The following CNTNAP2 variants were observed in gnomAD, a reference collection of about 807,000 sequenced individuals.
CNTNAP2 encodes the protein contactin-associated protein-like 2.
CNTNAP2 carries 98 observed loss-of-function variants against 155.2 expected under a neutral mutation model. That is an observed-to-expected ratio of 0.63 (90% CI 0.54 to 0.75). The LOEUF is 0.75. Among genes scored for constraint, CNTNAP2 ranks in the 30% least tolerant of loss-of-function variants. The pLI is 0.00. For missense variants in CNTNAP2, 1,727 were observed against 1,688.1 expected (o/e 1.02, Z -0.40); for synonymous variants, 651 against 631.2 (o/e 1.03, Z -0.47).
At chr7:147,601,085 G>C (rs1484873419) in intron 12 of CNTNAP2, among the ~76,000 whole-genome samples, 1 of 152,110 alleles carries the variant, frequency 6.6e-6, no homozygotes, top group Non-Finnish European at 1.5e-5. Context: ...AAAGTCCTGT[G>C]TCCCCGTTAC....
chr7:147,401,989 C>T (rs953752213), intron 10 of CNTNAP2, among the ~76,000 whole-genome samples: 3 of 152,274 alleles, frequency 2.0e-5, no homozygotes, highest in South Asian at 2.1e-4. Flanking sequence ...TTAAATTTTG[C>T]GTTCATAACT....
chr7:146,456,466 T>C (rs1796556697), intron 1 of CNTNAP2, among the ~76,000 whole-genome samples: 2 of 152,162 alleles, frequency 1.3e-5, no homozygotes, highest in South Asian at 2.1e-4. Flanking sequence ...AGTTTAGATA[T>C]GGAAAACTTC....
intron 15 of CNTNAP2, among the ~76,000 whole-genome samples, chr7:148,095,697 A>T (rs181585239): frequency 6.6e-6 from 1 of 152,362 alleles, no homozygotes. Context: ...GCTGAAACAC[A>T]CAAAAAGAGC....
chr7:148,044,245 C>T (rs557983391), intron 15 of CNTNAP2, among the ~76,000 whole-genome samples: 3 of 148,430 alleles, frequency 2.0e-5, no homozygotes, highest in Admixed American at 1.3e-4. Flanking sequence ...TCGGGGTCTC[C>T]GTGTTCTAGC....
At position 148,409,475 on chromosome 7, in the gene CNTNAP2, G is replaced by C. The variant is rs886043777; in HGVS notation, c.3796+4G>C. On this transcript the variant is annotated splice_donor_region_variant and intron_variant, in intron 23 of 23. Coordinates refer to ENST00000361727, the MANE Select transcript of CNTNAP2 (RefSeq NM_014141.6). The stretch of plus-strand genomic sequence containing the variant: ...AGAAACTCGGCTATCATTGGAGGTA[G>C]GTGATGTCTAGAGGAGGCTTATATG... 6.2e-7 allele frequency: 1 copy of C among 1,613,146 alleles called. No homozygotes were observed. The highest frequency in any genetic ancestry group is 8.5e-7 in the Non-Finnish European group (1 of 1,179,278).
At chr7:148,149,616 C>G (rs941697268) in intron 17 of CNTNAP2, among the ~76,000 whole-genome samples, 3 of 151,998 alleles carry the variant, frequency 2.0e-5, no homozygotes, top group Non-Finnish European at 4.4e-5. Flanking sequence ...GTGTTCTCAA[C>G]TCACGACTCA....
At chr7:147,170,907 C>A (rs1802213817) in intron 8 of CNTNAP2, among the ~76,000 whole-genome samples, 1 of 152,174 alleles carries the variant, frequency 6.6e-6, no homozygotes, top group Non-Finnish European at 1.5e-5. Flanking sequence ...GCTCGCCCTG[C>A]TTTCTCCCAG....
intron 3 of CNTNAP2, among the ~76,000 whole-genome samples, chr7:146,858,780 A>G (rs2129204703): frequency 6.6e-6 from 1 of 152,348 alleles, no homozygotes; most frequent in South Asian, 2.1e-4. Flanking sequence ...TTTATAAATC[A>G]CATTTCATTT....
intron 3 of CNTNAP2, among the ~76,000 whole-genome samples, chr7:146,850,070 T>C (rs909163070): frequency 1.2e-4 from 18 of 152,134 alleles, no homozygotes; most frequent in Non-Finnish European, 1.3e-4. Flanking sequence ...TCTTGGCAAA[T>C]AAATTTGGTT....
At position 147,616,618 on chromosome 7, in the gene CNTNAP2, A is replaced by G. The variant is rs906488830; in HGVS notation, c.1898-22488A>G. 2.6e-5 allele frequency among the ~76,000 whole-genome samples: 4 copies of G among 152,182 alleles called. No homozygotes were observed. The South Asian group carries it at 8.3e-4, about 31-fold the overall frequency. On this transcript the variant is annotated intron_variant, in intron 12 of 23. Coordinates refer to ENST00000361727, the MANE Select transcript of CNTNAP2 (RefSeq NM_014141.6). ...TCATTCCGAAATTTGCTCAAATATT[A>G]GGATCTCCCTTACCAATCTGCCTGA...
At chr7:148,148,721 G>A (rs1805242171) in intron 17 of CNTNAP2, among the ~76,000 whole-genome samples, 2 of 152,242 alleles carry the variant, frequency 1.3e-5, no homozygotes, top group African/African-American at 4.8e-5. Context: ...TTGAAGAGCG[G>A]TAGAATGTCA....
chr7:146,441,205 T>G, intron 1 of CNTNAP2, among the ~76,000 whole-genome samples: 1 of 151,594 alleles, frequency 6.6e-6, no homozygotes, highest in East Asian at 1.9e-4. Context: ...TGAGTGTGAC[T>G]GTCAGGTCAA....
chr7:148,167,100 C>G (rs1585162939), intron 17 of CNTNAP2, among the ~76,000 whole-genome samples: 1 of 152,108 alleles, frequency 6.6e-6, no homozygotes, highest in Admixed American at 6.6e-5. Context: ...TTTCACTCAC[C>G]TGCTTTATAA....
intron 1 of CNTNAP2, among the ~76,000 whole-genome samples, chr7:146,711,417 TATATA>T (rs899188742): frequency 2.7e-5 from 4 of 147,588 alleles, no homozygotes; most frequent in African/African-American, 9.9e-5. Context: ...TACTATGTAA[TATATA>T]ATATATACTA....
intron 1 of CNTNAP2, among the ~76,000 whole-genome samples, chr7:146,612,837 G>T: frequency 6.6e-6 from 1 of 151,232 alleles, no homozygotes; most frequent in Admixed American, 6.6e-5. Context: ...TTGTGATGTT[G>T]CTCCATCAGC....
At chr7:146,185,564 G>A (rs535718433) in intron 1 of CNTNAP2, among the ~76,000 whole-genome samples, 1 of 152,178 alleles carries the variant, frequency 6.6e-6, no homozygotes, top group Admixed American at 6.6e-5. Context: ...CTCCTCCAAG[G>A]GAGCAGTGCT....
At chr7:146,848,030 T>C (rs573307451) in intron 3 of CNTNAP2, among the ~76,000 whole-genome samples, 4 of 152,152 alleles carry the variant, frequency 2.6e-5, no homozygotes, top group Non-Finnish European at 5.9e-5. Flanking sequence ...GACTTGAAAA[T>C]AGGCTTATAA....
intron 3 of CNTNAP2, among the ~76,000 whole-genome samples, chr7:147,017,167 A>G (rs12112463): frequency 1.1e-3 from 166 of 151,624 alleles, no homozygotes; most frequent in African/African-American, 3.9e-3. Flanking sequence ...TTCTTCTGTC[A>G]TATTTTATTT....
intron 1 of CNTNAP2, among the ~76,000 whole-genome samples, chr7:146,314,005 T>TTATATGTATATG (rs1332343503): frequency 6.7e-6 from 1 of 148,674 alleles, no homozygotes; most frequent in African/African-American, 2.6e-5. Flanking sequence ...TCTCAAAAAA[T>TTATATGTATATG]TATATATGTA....
Sources: allele counts gnomAD v4.1 joint callset (sites outside exome capture counted in the v4.1 genomes callset), GRCh38; gene constraint gnomAD v4.1.1; transcripts MANE v1.5; gene names NCBI Gene and HGNC (gene_info 2026-07-23, HGNC 2026-07-21).